The following SPOCK2 variants were observed in gnomAD, a reference collection of about 807,000 sequenced individuals.
The protein encoded by SPOCK2 is SPARC (osteonectin), cwcv and kazal like domains proteoglycan 2.
In SPOCK2, 39 loss-of-function variants were observed where a neutral mutation model predicts 60.1. That is an observed-to-expected ratio of 0.65 (90% confidence interval 0.50 to 0.85). The LOEUF is 0.85. Ranked by LOEUF, SPOCK2 falls within the 40% of genes least tolerant of loss-of-function variation. SPOCK2 has a pLI of 0.00. For synonymous variants in SPOCK2, 217 were observed against 231.5 expected (o/e 0.94, Z 0.57); for missense variants, 523 against 567.4 (o/e 0.92, Z 0.80).
At chr10:72,078,599 C>T (rs954942712) in intron 1 of SPOCK2, among the ~76,000 whole-genome samples, 5 of 152,090 alleles carry the variant, frequency 3.3e-5, no homozygotes, top group African/African-American at 9.7e-5. Context: ...AAGCCTTTCA[C>T]GGGTTCCCAG....
At chr10:72,073,188 G>A (rs1840672722) in intron 1 of SPOCK2, among the ~76,000 whole-genome samples, 1 of 152,158 alleles carries the variant, frequency 6.6e-6, no homozygotes, top group Admixed American at 6.5e-5. Flanking sequence ...TCCGTTCCCA[G>A]TCCAGCCCCA....
At chr10:72,067,897 T>G (rs1435238772) in intron 6 of SPOCK2, among the ~76,000 whole-genome samples, 165 bp from the exon 7 acceptor site, 3 of 152,028 alleles carry the variant, frequency 2.0e-5, no homozygotes, top group Non-Finnish European at 4.4e-5. Context: ...TCCTCTCCCA[T>G]TTCCCACCAC....
intron 1 of SPOCK2, chr10:72,086,437 C>A: frequency 9.6e-7 from 1 of 1,038,016 alleles, no homozygotes; most frequent in South Asian, 3.3e-5. Context: ...TTAAGCATTT[C>A]TTTTCCCTCT....
chr10:72,089,025 T>A (rs764533851), upstream of SPOCK2: 11 of 152,242 alleles, frequency 7.2e-5, no homozygotes, highest in African/African-American at 2.7e-4. Flanking sequence ...AAAAGCCGTA[T>A]AACAACTGGC....
At chr10:72,070,052 T>C (rs375305158) in intron 5 of SPOCK2, 79 of 400,074 alleles carry the variant, frequency 2.0e-4, no homozygotes, top group Middle Eastern at 1.4e-3. Context: ...CTGACCATAG[T>C]GTCTCTTCCA....
chr10:72,085,808 G>T (rs776078524), intron 1 of SPOCK2, among the ~76,000 whole-genome samples: 1 of 152,200 alleles, frequency 6.6e-6, no homozygotes, highest in South Asian at 2.1e-4. Context: ...TATAAAGCCC[G>T]TTGCTACTGG....
At chr10:72,080,168 G>A (rs1179678393) in intron 1 of SPOCK2, among the ~76,000 whole-genome samples, 1 of 152,158 alleles carries the variant, frequency 6.6e-6, no homozygotes, top group Non-Finnish European at 1.5e-5. Context: ...TCCACTTGAG[G>A]ACACACAGCC....
Position 72,076,479 on chromosome 10 carries a change from C to T in SPOCK2, c.190-3569G>A, listed in dbSNP as rs573661676. ...GAGTGGTGGCAGGTGGCTCTGCTGC[C>T]GACCTCACCTGGAAAATGGGGATTT... On this transcript the variant is annotated intron_variant, in intron 1 of 10. Coordinates refer to ENST00000373109, the MANE Select transcript of SPOCK2 (RefSeq NM_001244950.2). Among the ~76,000 whole-genome samples, 5 of 152,320 alleles carry T rather than the reference C, an allele frequency of 3.3e-5. No individual in the cohort carries two copies. In the East Asian group the frequency reaches 7.7e-4, roughly 23 times the overall value.
rs896023447 is a variant in SPOCK2, at chr10:72,072,655, A to C, written c.199-107T>G. ...CCTGGGCCAGCGATGTCATGTGCCA[A>C]TGGCCGTCATCCTGGTGGCTGACCC... is the stretch of plus-strand genomic sequence containing the variant. On this transcript the variant is annotated intron_variant, in intron 2 of 10. Transcript: ENST00000373109. 6 of 1,524,870 alleles carry C rather than the reference A, an allele frequency of 3.9e-6. No homozygotes were observed. The South Asian group carries it at 5.8e-5, about 15-fold the overall frequency. The allele number at this position is 1,524,870 out of a possible 1,614,324, so 94.5% of individuals were successfully genotyped here. A position where few individuals can be genotyped will look rare whatever the true frequency, so the allele number is the denominator to read the frequency against.
At chr10:72,075,992 G>A (rs1232551745) in intron 1 of SPOCK2, among the ~76,000 whole-genome samples, 2 of 152,120 alleles carry the variant, frequency 1.3e-5, no homozygotes, top group Non-Finnish European at 2.9e-5. Flanking sequence ...GGGTGCCTGG[G>A]GTCCAGGAAG....
rs912033848 is a variant in SPOCK2, at chr10:72,061,123, A to C, written c.*1637T>G. On this transcript the variant is annotated 3_prime_UTR_variant, in exon 11 of 11. Coordinates refer to ENST00000373109, the MANE Select transcript of SPOCK2 (RefSeq NM_001244950.2). ...CCCAAGTCTGGGTAAGAAATTCTCC[A>C]CCAAAGGTGTTAAGGAATTTGCTTT... 1 of 152,742 alleles carries C rather than the reference A, an allele frequency of 6.5e-6. No homozygotes were observed. Among genetic ancestry groups the C allele is most frequent in the Non-Finnish European group, 1.5e-5 (1 of 68,198 alleles). 9.5% of individuals were successfully genotyped at this position (152,742 alleles called of 1,614,324 possible).
chr10:72,077,349 C>T lies in SPOCK2; in HGVS notation c.190-4439G>A, dbSNP rs1007999150. On this transcript the variant is annotated intron_variant, in intron 1 of 10. Coordinates refer to ENST00000373109, the MANE Select transcript of SPOCK2 (RefSeq NM_001244950.2). ...CTTGATATGCTGCCCAGGCTGATCT[C>T]GAACTCCTGGGCTCAAGTGATCCTC... Among the ~76,000 whole-genome samples, 3 of 151,982 alleles carry T rather than the reference C, an allele frequency of 2.0e-5. No homozygotes were observed. In the East Asian group the frequency reaches 5.8e-4, roughly 29 times the overall value.
At position 72,067,518 on chromosome 10, in the gene SPOCK2, G is replaced by C. The variant is rs527763665; in HGVS notation, c.709+95C>G. 3.8e-5 allele frequency: 59 copies of C among 1,565,716 alleles called. No individual in the cohort carries two copies. The South Asian group carries it at 6.1e-4, about 16-fold the overall frequency. On this transcript the variant is annotated intron_variant, in intron 7 of 10. Coordinates refer to ENST00000373109, the MANE Select transcript of SPOCK2 (RefSeq NM_001244950.2). ...GATTGTAGGGCCCAGAGTCTGGCAG[G>C]AAGGAACAAGGGCAGACTGGCCCAG... is the stretch of plus-strand genomic sequence containing the variant.
In SPOCK2 at chr10:72,067,693, C is replaced by T. The variant is rs151167758; in HGVS notation, c.629G>A (p.Arg210Gln). The part of the protein sequence containing the change: ...TGQDLADLGD[R>Q]LRDWFQLLHE... ...AAGGAGCTGGAACCAGTCCCGCAGC[C>T]GATCTCCCAGGTCAGCCAGGTCCTG... is the stretch of plus-strand genomic sequence containing the variant. The change falls in exon 7 of 11, where the codon CGG (arginine) becomes CAG (glutamine). Residue 210 changes from arginine to glutamine, a missense_variant. Arg to Gln is a conservative substitution (Grantham distance 43, BLOSUM62 1). Coordinates refer to ENST00000373109, the MANE Select transcript of SPOCK2 (RefSeq NM_001244950.2). 862 of 1,613,728 alleles carry T rather than the reference C, an allele frequency of 5.3e-4. No individual in the cohort carries two copies. The highest frequency in any genetic ancestry group is 7.0e-4 in the Non-Finnish European group (823 of 1,179,996).
intron 9 of SPOCK2, 40 bp downstream of exon 9, chr10:72,064,138 T>C (rs1157007477): frequency 1.9e-6 from 3 of 1,605,592 alleles, no homozygotes; most frequent in Non-Finnish European, 2.5e-6. Context: ...CAGGAAGCCG[T>C]CCCCACCTCC....
chr10:72,059,459 CG>C lies in SPOCK2; in HGVS notation c.*3300del, dbSNP rs918423933. ...CAGTTTGCTCTGCTGGGAACTTCCT[CG>C]GGATGTCTGGGTCTCCTTCTGTGGT... On this transcript the variant is annotated 3_prime_UTR_variant, in exon 11 of 11. Coordinates refer to ENST00000373109, the MANE Select transcript of SPOCK2 (RefSeq NM_001244950.2). The C allele has an allele frequency of 3.3e-5, 5 of 152,240 alleles. No individual in the cohort carries two copies. Among genetic ancestry groups the C allele is most frequent in the African/African-American group, 1.2e-4 (5 of 41,456 alleles). The allele number at this position is 152,240 out of a possible 1,614,324, so 9.4% of individuals were successfully genotyped here. A position where few individuals can be genotyped will look rare whatever the true frequency, so the allele number is the denominator to read the frequency against.
In SPOCK2 at chr10:72,068,282, G is replaced by A. The variant is rs751511752; in HGVS notation, c.494C>T (p.Ala165Val). 2.8e-5 allele frequency: 45 copies of A among 1,611,230 alleles called. No homozygotes were observed. The highest frequency in any genetic ancestry group is 1.2e-4 in the Admixed American group (7 of 59,712). ...CGCCAGCTGCTTGCTGCTCAGGCAC[G>A]CCTGTTGCTCCAGCTTACACTGCAC... Reference protein sequence around the residue: ...YSSVCKLEQQACLSSKQLAVR... With the variant: ...YSSVCKLEQQVCLSSKQLAVR... The change falls in exon 6 of 11, where the codon GCG becomes GTG. Residue 165 changes from alanine (A) to valine (V), a missense_variant. Coordinates refer to ENST00000373109, the MANE Select transcript of SPOCK2 (RefSeq NM_001244950.2).
At chr10:72,085,568 C>G (rs1840844423) in intron 1 of SPOCK2, among the ~76,000 whole-genome samples, 1 of 152,180 alleles carries the variant, frequency 6.6e-6, no homozygotes, top group African/African-American at 2.4e-5. Flanking sequence ...CAGTTCTGTC[C>G]ACACCATGTG....
At chr10:72,067,191 G>T (rs968228433) in intron 7 of SPOCK2, 71 bp from the exon 8 acceptor site, 1 of 1,446,622 alleles carries the variant, frequency 6.9e-7, no homozygotes, top group Non-Finnish European at 9.4e-7. Flanking sequence ...CCATCTCTCC[G>T]CCTCGCCATC....
Sources: allele counts gnomAD v4.1 joint callset (sites outside exome capture counted in the v4.1 genomes callset), GRCh38; gene constraint gnomAD v4.1.1; transcripts MANE v1.5; gene names NCBI Gene and HGNC (gene_info 2026-07-23, HGNC 2026-07-21).